ZNF486: variants seen among roughly 807,000 people sequenced by gnomAD.
The protein encoded by ZNF486 is zinc finger protein 486, also known as KRAB box only protein 2.
Under a neutral mutation model 12.8 loss-of-function variants are expected in ZNF486, and 12 were observed. The ratio of observed to expected loss-of-function variants is 0.94; its 90% CI spans 0.60 to 1.52. ZNF486 has a LOEUF of 1.52. Ranked by LOEUF, ZNF486 falls within the 40% of genes most tolerant of loss-of-function variation. The pLI is 0.00. For missense variants in ZNF486, 738 were observed against 545.0 expected (o/e 1.35, Z -3.53); for synonymous variants, 231 against 184.9 (o/e 1.25, Z -2.02).
chr19:20,172,718 C>T (rs1323104422), intron 1 of ZNF486, among the ~76,000 whole-genome samples: 1 of 151,008 alleles, frequency 6.6e-6, no homozygotes, highest in Admixed American at 6.6e-5. Flanking sequence ...CGGCTCACTG[C>T]AACCTCTGCC....
Position 20,197,097 on chromosome 19 carries a change from G to T in ZNF486, c.387G>T (p.Val129=), listed in dbSNP as rs112152275. ...ACTTTAAAAAAGGCTGTGAAAGTGT[G>T]GATGAGTGTAAGTTACACAAAAGAG... is the stretch of plus-strand genomic sequence containing the variant. ...NLHFKKGCES[V]DECKLHKRGY... The change falls in exon 4 of 4, where the codon GTG becomes GTT. Residue 129 remains valine (V), a synonymous_variant. Transcript: ENST00000335117. 3.1e-6 allele frequency: 5 copies of T among 1,613,228 alleles called. No homozygotes were observed. In the African/African-American group the frequency reaches 5.3e-5, roughly 17 times the overall value.
intron 1 of ZNF486, 33 bp from the exon 2 acceptor site, chr19:20,184,323 T>C: frequency 6.2e-7 from 1 of 1,608,966 alleles, no homozygotes; most frequent in Non-Finnish European, 8.5e-7. Context: ...AACGGCGACT[T>C]GGTGAAAATG....
Position 20,197,635 on chromosome 19 carries a change from C to A in ZNF486, c.925C>A (p.Leu309Ile), listed in dbSNP as rs782291828. The change falls in exon 4 of 4, where the codon CTT (leucine) becomes ATT (isoleucine). Residue 309 changes from leucine (L) to isoleucine (I), a missense_variant. By Grantham distance (5) the Leu-to-Ile change is conservative (BLOSUM62 2). Transcript: ENST00000335117. ...CDKAFNHPATLSSHKKIHTGE... is the reference protein window; with the variant it reads ...CDKAFNHPATISSHKKIHTGE... ...CAAAGCTTTTAACCATCCTGCAACT[C>A]TTTCTTCACATAAGAAAATTCATAC... The A allele has an allele frequency of 1.2e-6, 2 of 1,613,754 alleles. No homozygotes were observed. Among genetic ancestry groups the A allele is most frequent in the East Asian group, 4.5e-5 (2 of 44,884 alleles).
At chr19:20,188,988 G>C (rs2089876888) in intron 3 of ZNF486, among the ~76,000 whole-genome samples, 1 of 152,170 alleles carries the variant, frequency 6.6e-6, no homozygotes, top group Admixed American at 6.5e-5. Flanking sequence ...TAAATCAAGA[G>C]ACATCTGGGT....
intron 2 of ZNF486, among the ~76,000 whole-genome samples, chr19:20,185,522 T>C (rs1455558993): frequency 6.7e-6 from 1 of 149,288 alleles, no homozygotes; most frequent in East Asian, 2.0e-4. Context: ...GCAATTCTCC[T>C]GTCTGAGCCT....
rs782490115 is a variant in ZNF486 at position 20,193,298 on chromosome 19, CT to C, written c.254-3652del. ...AAACTTTAAAGTTTTTATGTACCAT[CT>C]TTTTTTTTTTTTTGAAACTGGGTCT... On this transcript the variant is annotated intron_variant, in intron 3 of 3. Coordinates refer to ENST00000335117, the MANE Select transcript of ZNF486 (RefSeq NM_052852.4). Among the ~76,000 whole-genome samples, 567 of 142,552 alleles carry C rather than the reference CT, an allele frequency of 4.0e-3. 1 individual carries two copies. Among genetic ancestry groups the C allele is most frequent in the African/African-American group, 6.3e-3 (248 of 39,080 alleles). The allele number at this position is 142,552 out of a possible 152,430, so 93.5% of individuals were successfully genotyped here.
chr19:20,197,340 C>T lies in ZNF486; in HGVS notation c.630C>T (p.Tyr210=). ...AAATTGATACTGGAGAGAAACCATA[C>T]AAATGTGAAGAATGTGGCAAAGCCT... is the stretch of plus-strand genomic sequence containing the variant. ...HKKIDTGEKP[Y]KCEECGKAFN... Residue 210 remains tyrosine (Y), a synonymous_variant, in exon 4 of 4, where the codon TAC becomes TAT. Coordinates refer to ENST00000335117, the MANE Select transcript of ZNF486 (RefSeq NM_052852.4). 1 of 1,613,584 alleles carries T rather than the reference C, an allele frequency of 6.2e-7. No individual in the cohort carries two copies. The highest frequency in any genetic ancestry group is 1.1e-5 in the South Asian group (1 of 90,996).
At chr19:20,187,859 G>A (rs1215943161) in intron 3 of ZNF486, among the ~76,000 whole-genome samples, 2 of 152,154 alleles carry the variant, frequency 1.3e-5, no homozygotes, top group African/African-American at 4.8e-5. Flanking sequence ...GGCCCTTAGG[G>A]TGATGAGATG....
intron 1 of ZNF486, among the ~76,000 whole-genome samples, chr19:20,170,520 G>GTCAA (rs1347602243): frequency 6.6e-6 from 1 of 151,798 alleles, no homozygotes; most frequent in Non-Finnish European, 1.5e-5. Context: ...TGAGCAGTGA[G>GTCAA]TCAAGATGGT....
intron 1 of ZNF486, among the ~76,000 whole-genome samples, chr19:20,177,230 A>G (rs1327020261): frequency 6.6e-6 from 1 of 152,250 alleles, no homozygotes; most frequent in Non-Finnish European, 1.5e-5. Flanking sequence ...GCCCACTGCC[A>G]GTGAGTACAG....
In ZNF486 at chr19:20,185,673, G is replaced by A. The variant is rs541214960; in HGVS notation, c.158-314G>A. ...TCCACCCATCTTGGCCTCCCAGAGT[G>A]CTAGGATTAGAGGTGTGAGCCACTG... is the stretch of plus-strand genomic sequence containing the variant. On this transcript the variant is annotated intron_variant, in intron 2 of 3. Transcript: ENST00000335117. Among the ~76,000 whole-genome samples, 11 of 151,942 alleles carry A rather than the reference G, an allele frequency of 7.2e-5. No individual in the cohort carries two copies. The South Asian group carries it at 2.3e-3, about 32-fold the overall frequency.
rs57907168 is a variant in ZNF486 at position 20,186,784 on chromosome 19, G to GTTTTTTTTTTTTTTT, written c.253+705_253+719dup. ...TGGATCTTCTCTAATATTTTCATAG[G>GTTTTTTTTTTTTTTT]TTTTTTTTTTTTTTTTTGAGAAGGA... On this transcript the variant is annotated intron_variant, in intron 3 of 3. Transcript: ENST00000335117. Among the ~76,000 whole-genome samples, 25 of 122,456 alleles carry GTTTTTTTTTTTTTTT rather than the reference G, an allele frequency of 2.0e-4. 2 individuals are homozygous for GTTTTTTTTTTTTTTT. Among genetic ancestry groups the GTTTTTTTTTTTTTTT allele is most frequent in the East Asian group, 5.4e-4 (2 of 3,708 alleles). The allele number at this position is 122,456 out of a possible 152,430, so 80.3% of individuals were successfully genotyped here.
chr19:20,170,057 AT>A (rs1266860794), intron 1 of ZNF486, among the ~76,000 whole-genome samples: 1 of 150,900 alleles, frequency 6.6e-6, no homozygotes, highest in Non-Finnish European at 1.5e-5. Context: ...CGCCCGGCTA[AT>A]TTTTTTGTAT....
In ZNF486 at chr19:20,198,996, C is replaced by G. The variant is rs782255575; in HGVS notation, c.*894C>G. 6.6e-6 allele frequency: 1 copy of G among 151,618 alleles called. No individual in the cohort carries two copies. Among genetic ancestry groups the G allele is most frequent in the Admixed American group, 6.7e-5 (1 of 15,030 alleles). 9.4% of individuals were successfully genotyped at this position (151,618 alleles called of 1,614,324 possible). ...TGACAAAGCCTTTATATGGTTGCCA[C>G]ACTTTATTGTAGGTAATTCATACTT... On this transcript the variant is annotated 3_prime_UTR_variant, in exon 4 of 4. Transcript: ENST00000335117.
In ZNF486 at chr19:20,167,380, A is replaced by C. The variant is rs368058661; in HGVS notation, c.30+20A>C. 6 of 1,612,122 alleles carry C rather than the reference A, an allele frequency of 3.7e-6. No individual in the cohort carries two copies. Among genetic ancestry groups the C allele is most frequent in the Non-Finnish European group, 5.1e-6 (6 of 1,178,924 alleles). On this transcript the variant is annotated intron_variant, in intron 1 of 3. Coordinates refer to ENST00000335117, the MANE Select transcript of ZNF486 (RefSeq NM_052852.4). ...GAAATGGTGAGAGTGCCCATTGGAC[A>C]TCCTGAGAGAGGGGAGGGACTGGTT...
chr19:20,180,432 G>C (rs2089772084), intron 1 of ZNF486, among the ~76,000 whole-genome samples: 1 of 152,112 alleles, frequency 6.6e-6, no homozygotes, highest in Non-Finnish European at 1.5e-5. Context: ...CCAGCAACTG[G>C]ATAAATAATT....
chr19:20,177,803 T>C (rs1456783643), intron 1 of ZNF486, among the ~76,000 whole-genome samples: 19 of 152,258 alleles, frequency 1.2e-4, no homozygotes, highest in South Asian at 8.3e-4. Context: ...CTCAAACTCT[T>C]GACCTCAGGT....
chr19:20,182,721 T>C (rs1052812460), intron 1 of ZNF486, among the ~76,000 whole-genome samples: 1 of 152,182 alleles, frequency 6.6e-6, no homozygotes, highest in Non-Finnish European at 1.5e-5. Flanking sequence ...CAATTCATTG[T>C]TCCCTGAATC....
intron 3 of ZNF486, among the ~76,000 whole-genome samples, chr19:20,186,573 G>A (rs189087252): frequency 6.6e-6 from 1 of 151,914 alleles, no homozygotes. Context: ...GAAATTATAA[G>A]TATGATATCC....
Sources: gnomAD v4.1 joint callset for allele counts (sites outside exome capture counted in the v4.1 genomes callset) on GRCh38, gnomAD v4.1.1 for gene constraint, MANE v1.5 for transcripts, NCBI Gene and HGNC (gene_info 2026-07-23, HGNC 2026-07-21) for gene names.